The following TMEM135 variants were observed in gnomAD, a reference collection of about 807,000 sequenced individuals.
TMEM135 encodes the protein peroxisomal membrane protein 52.
A neutral mutation model predicts 60.3 loss-of-function variants in TMEM135; 30 were observed. The ratio of observed to expected loss-of-function variants is 0.50; its 90% CI spans 0.37 to 0.68. The LOEUF (loss-of-function observed/expected upper bound fraction) is 0.68, where lower values mean the gene tolerates loss of function less well. TMEM135 is among the 30% of genes least tolerant of loss of function. The pLI, the probability that TMEM135 is intolerant of heterozygous loss-of-function variation, is 0.00. For missense variants in TMEM135, 468 were observed against 548.8 expected, an observed-to-expected ratio of 0.85 and a Z score of 1.47; for synonymous variants, 190 against 186.7, an observed-to-expected ratio of 1.02 and a Z score of -0.14.
intron 1 of TMEM135, among the ~76,000 whole-genome samples, chr11:87,046,217 T>G (rs962415738): frequency 2.6e-5 from 4 of 152,022 alleles, no homozygotes; most frequent in South Asian, 2.1e-4. Context: ...ACCAGCCTGG[T>G]CAAATGCTGA....
chr11:87,323,143 A>G lies in TMEM135; in HGVS notation c.*1810A>G. ...GACATTAAAAGACTGTGATATTGAA[A>G]GATGAATTACGAAATTTGCTGAGAT... On this transcript the variant is annotated 3_prime_UTR_variant, in exon 15 of 15. Transcript: ENST00000305494. 2.2e-6 allele frequency: 1 copy of G among 454,128 alleles called. No homozygotes were observed. Among genetic ancestry groups the G allele is most frequent in the Non-Finnish European group, 4.4e-6 (1 of 226,712 alleles). The allele number at this position is 454,128 out of a possible 1,614,324, so 28.1% of individuals were successfully genotyped here.
chr11:87,231,106 G>A (rs1468016887), intron 5 of TMEM135, among the ~76,000 whole-genome samples: 1 of 152,058 alleles, frequency 6.6e-6, no homozygotes. Flanking sequence ...GAATTTCCAG[G>A]CATGGATCAA....
intron 11 of TMEM135, 68 bp from the exon 12 acceptor site, chr11:87,314,403 T>C: frequency 7.4e-7 from 1 of 1,350,046 alleles, no homozygotes; most frequent in Non-Finnish European, 1.0e-6. Context: ...TGAATTAACA[T>C]TTCTGATGAC....
intron 5 of TMEM135, among the ~76,000 whole-genome samples, chr11:87,228,262 A>G (rs948297270): frequency 1.3e-5 from 2 of 152,114 alleles, no homozygotes; most frequent in Admixed American, 1.3e-4. Flanking sequence ...GAATAAATAA[A>G]TGAAGGAGGG....
chr11:87,223,129 C>G (rs986123158), intron 5 of TMEM135, among the ~76,000 whole-genome samples: 6 of 147,508 alleles, frequency 4.1e-5, no homozygotes, highest in Non-Finnish European at 7.5e-5. Context: ...ATCGAGAAGT[C>G]TATATTCTGC....
At chr11:87,080,396 T>A (rs1434983813) in intron 3 of TMEM135, among the ~76,000 whole-genome samples, 1 of 152,118 alleles carries the variant, frequency 6.6e-6, no homozygotes, top group Non-Finnish European at 1.5e-5. Context: ...CATCTCCCCA[T>A]GGAACAAATC....
chr11:87,242,620 T>C (rs1191383694), intron 6 of TMEM135, among the ~76,000 whole-genome samples: 6 of 124,048 alleles, frequency 4.8e-5, no homozygotes, highest in African/African-American at 1.8e-4. Flanking sequence ...GAGCATTTTT[T>C]CATGGGTCTT....
At chr11:87,111,540 A>G (rs1291631731) in intron 4 of TMEM135, among the ~76,000 whole-genome samples, 1 of 150,692 alleles carries the variant, frequency 6.6e-6, no homozygotes, top group Non-Finnish European at 1.5e-5. Flanking sequence ...AGTCCCAGCT[A>G]CTCGGGAGGC....
intron 4 of TMEM135, among the ~76,000 whole-genome samples, chr11:87,094,259 A>T (rs1456734848): frequency 1.3e-5 from 2 of 152,210 alleles, no homozygotes; most frequent in Non-Finnish European, 2.9e-5. Context: ...ACCAAATTAC[A>T]TATGGCTAGA....
At chr11:87,108,857 A>G (rs116026726) in intron 4 of TMEM135, among the ~76,000 whole-genome samples, 2,208 of 152,282 alleles carry the variant, frequency 0.014, 66 homozygotes, top group African/African-American at 0.051. Context: ...AAGTTCATTA[A>G]TAGGTGATTC....
rs576562974 is a variant in TMEM135, at chr11:87,082,323, A to C, written c.363-9039A>C. Among the ~76,000 whole-genome samples the C allele has an allele frequency of 1.2e-4, 19 of 152,322 alleles. 1 individual carries two copies. The South Asian group carries it at 3.9e-3, about 32-fold the overall frequency. ...TCTGAAAAAGTATTCTTGACTTACC[A>C]CGAATTTATGTAAGACTTCATTAAA... On this transcript the variant is annotated intron_variant, in intron 3 of 14. Coordinates refer to ENST00000305494, the MANE Select transcript of TMEM135 (RefSeq NM_022918.4).
chr11:87,141,638 C>T (rs1938264676), intron 4 of TMEM135, among the ~76,000 whole-genome samples: 1 of 152,086 alleles, frequency 6.6e-6, no homozygotes, highest in East Asian at 1.9e-4. Context: ...GTGAGAGTGG[C>T]CATCCTGACC....
At chr11:87,246,232 A>G (rs190022600) in intron 6 of TMEM135, among the ~76,000 whole-genome samples, 103 of 149,394 alleles carry the variant, frequency 6.9e-4, no homozygotes, top group East Asian at 5.5e-3. Flanking sequence ...CTGTTAGTCC[A>G]ATGGGCTTCC....
intron 6 of TMEM135, among the ~76,000 whole-genome samples, chr11:87,250,564 C>G (rs1490541154): frequency 6.6e-6 from 1 of 151,710 alleles, no homozygotes; most frequent in East Asian, 1.9e-4. Context: ...TGTTTAATGT[C>G]TATGTGTAGT....
chr11:87,059,125 C>T (rs888771096), intron 1 of TMEM135, among the ~76,000 whole-genome samples: 4 of 151,374 alleles, frequency 2.6e-5, no homozygotes, highest in African/African-American at 4.8e-5. Context: ...TTTGTGGAGA[C>T]GGGGCTTCAC....
intron 4 of TMEM135, among the ~76,000 whole-genome samples, chr11:87,152,722 A>G (rs1938588357): frequency 6.6e-6 from 1 of 152,188 alleles, no homozygotes; most frequent in Non-Finnish European, 1.5e-5. Context: ...TACAGGCATG[A>G]GCCACCGCAT....
rs1175463039 is a variant in TMEM135 at position 87,239,856 on chromosome 11, C to T, written c.509+3172C>T. Among the ~76,000 whole-genome samples the T allele has an allele frequency of 2.6e-5, 4 of 151,724 alleles. No individual in the cohort carries two copies. In the East Asian group the frequency reaches 5.8e-4, roughly 22 times the overall value. The stretch of plus-strand genomic sequence containing the variant: ...ACTATGAATTTACTTAAAAGCAACA[C>T]GTTTTTGATATTGAAAACTATGTGA... On this transcript the variant is annotated intron_variant, in intron 6 of 14. Transcript: ENST00000305494.
intron 3 of TMEM135, among the ~76,000 whole-genome samples, chr11:87,077,234 A>T (rs966943574): frequency 1.3e-5 from 2 of 152,254 alleles, no homozygotes; most frequent in African/African-American, 4.8e-5. Context: ...GAATGATGCA[A>T]TGTATAACGT....
chr11:87,227,512 TA>T (rs989364558), intron 5 of TMEM135, among the ~76,000 whole-genome samples: 4 of 151,062 alleles, frequency 2.6e-5, no homozygotes, highest in Middle Eastern at 3.4e-3. Context: ...AATAGAAACA[TA>T]AAAAAAAATT....
Sources: allele counts gnomAD v4.1 joint callset (sites outside exome capture counted in the v4.1 genomes callset), GRCh38; gene constraint gnomAD v4.1.1; transcripts MANE v1.5; gene names NCBI Gene and HGNC (gene_info 2026-07-23, HGNC 2026-07-21).